PEAK1: variants seen among roughly 807,000 people sequenced by gnomAD.
PEAK1 encodes the protein inactive tyrosine-protein kinase PEAK1.
A neutral mutation model predicts 124.7 loss-of-function variants in PEAK1; 54 were observed. The ratio of observed to expected loss-of-function variants is 0.43; its 90% CI spans 0.35 to 0.54. The LOEUF (loss-of-function observed/expected upper bound fraction) is 0.54. Among genes scored for constraint, PEAK1 ranks in the 20% least tolerant of loss-of-function variants. The pLI is 0.01. For missense variants in PEAK1, 2,046 were observed against 2,134.5 expected, an observed-to-expected ratio of 0.96 and a Z score of 0.82; for synonymous variants, 719 against 760.0, an observed-to-expected ratio of 0.95 and a Z score of 0.89.
chr15:77,361,387 C>T (rs1445532987), intron 2 of PEAK1, among the ~76,000 whole-genome samples: 1 of 152,082 alleles, frequency 6.6e-6, no homozygotes, highest in Non-Finnish European at 1.5e-5. Context: ...CTGCAGTGAA[C>T]TATAATCATG....
chr15:77,342,324 T>A (rs377687628), intron 2 of PEAK1, among the ~76,000 whole-genome samples: 1 of 152,102 alleles, frequency 6.6e-6, no homozygotes, highest in African/African-American at 2.4e-5. Flanking sequence ...CCCTCTCCCT[T>A]CAGCCCCTGG....
At chr15:77,252,268 T>A (rs1014846084) in intron 6 of PEAK1, 99 bp downstream of exon 6, 1 of 646,498 alleles carries the variant, frequency 1.5e-6, no homozygotes, top group Non-Finnish European at 1.9e-6. Flanking sequence ...TTATCTATAG[T>A]TTGGCATTTA....
At chr15:77,176,518 G>A (rs2056888782) in intron 7 of PEAK1, among the ~76,000 whole-genome samples, 1 of 152,092 alleles carries the variant, frequency 6.6e-6, no homozygotes, top group African/African-American at 2.4e-5. Context: ...TCCAGGGGTG[G>A]GGATCAGCAA....
intron 6 of PEAK1, among the ~76,000 whole-genome samples, chr15:77,210,064 G>A (rs986335766): frequency 2.0e-5 from 3 of 152,034 alleles, no homozygotes; most frequent in Non-Finnish European, 4.4e-5. Context: ...TATCAAATAA[G>A]AATTAACAAT....
chr15:77,329,260 T>C (rs559937732), intron 2 of PEAK1, among the ~76,000 whole-genome samples: 98 of 152,180 alleles, frequency 6.4e-4, no homozygotes, highest in Non-Finnish European at 1.3e-3. Context: ...GGGGTTCTTC[T>C]GAGAGTAAAA....
At chr15:77,396,387 T>C (rs1433489722) in intron 1 of PEAK1, among the ~76,000 whole-genome samples, 2 of 150,882 alleles carry the variant, frequency 1.3e-5, no homozygotes, top group East Asian at 3.9e-4. Context: ...AGGAAACAAA[T>C]AAAAATATGG....
rs147986308 is a variant in PEAK1, at chr15:77,130,945, T to C, written c.4077+2060A>G. 3.0e-3 allele frequency among the ~76,000 whole-genome samples: 459 copies of C among 152,344 alleles called. 6 individuals are homozygous for C. Among genetic ancestry groups the C allele is most frequent in the Middle Eastern group, 6.8e-3 (2 of 294 alleles). ...CAGCTCCATAAGATGGGTGCCATTATTGACAAAGCTACTAAGAGGCAGAAC... is the reference window on the plus strand; with the variant it reads ...CAGCTCCATAAGATGGGTGCCATTACTGACAAAGCTACTAAGAGGCAGAAC... On this transcript the variant is annotated intron_variant, in intron 9 of 9. Transcript: ENST00000682557.
At chr15:77,161,815 A>T (rs971226298) in intron 7 of PEAK1, among the ~76,000 whole-genome samples, 8 of 151,890 alleles carry the variant, frequency 5.3e-5, no homozygotes, top group Admixed American at 1.3e-4. Context: ...AAAATACAAA[A>T]ATTAGCCGGG....
chr15:77,278,874 C>T (rs1401120600), intron 5 of PEAK1: 3 of 299,228 alleles, frequency 1.0e-5, no homozygotes, highest in South Asian at 6.1e-5. Flanking sequence ...ACTCTATCGC[C>T]CAGGCTGGAG....
chr15:77,268,909 A>C lies in PEAK1; in HGVS notation c.-275+14974T>G, dbSNP rs568005130. Reference sequence around the variant, plus strand: ...TCAGCCAAGAATTTTGTATGCAACAAAACTAGGCTTCATAAATGAAGAAAA... The same window carrying C: ...TCAGCCAAGAATTTTGTATGCAACACAACTAGGCTTCATAAATGAAGAAAA... On this transcript the variant is annotated intron_variant, in intron 5 of 9. Coordinates refer to ENST00000682557, the MANE Select transcript of PEAK1 (RefSeq NM_001385026.1). Among the ~76,000 whole-genome samples the C allele has an allele frequency of 3.9e-5, 6 of 152,282 alleles. No individual in the cohort carries two copies. In the South Asian group the frequency reaches 1.2e-3, roughly 32 times the overall value.
In PEAK1 at chr15:77,180,319, A is replaced by T; in HGVS notation, c.1608T>A (p.Thr536=). The change falls in exon 7 of 10, where the codon ACT becomes ACA. Residue 536 remains threonine (T), a synonymous_variant. Transcript: ENST00000682557. The part of the protein sequence containing the change: ...SSAIRYQEVW[T]SSTSPRQKIP... ...TCTTTTGTCGTGGACTGGTGCTAGA[A>T]GTCCATACTTCTTGGTATCGAATTG... 6.2e-7 allele frequency: 1 copy of T among 1,614,134 alleles called. No individual in the cohort carries two copies.
At chr15:77,151,490 G>A (rs1256338973) in intron 8 of PEAK1, among the ~76,000 whole-genome samples, 2 of 152,122 alleles carry the variant, frequency 1.3e-5, no homozygotes, top group Non-Finnish European at 2.9e-5. Flanking sequence ...AGTTTCTTTT[G>A]CTGTGCAGAA....
At chr15:77,297,629 C>T (rs545789465) in intron 2 of PEAK1, among the ~76,000 whole-genome samples, 12 of 151,424 alleles carry the variant, frequency 7.9e-5, no homozygotes, top group Admixed American at 4.6e-4. Context: ...CATGGTGGCA[C>T]GCACCTGTAA....
chr15:77,270,387 C>T (rs2061966637), intron 5 of PEAK1, among the ~76,000 whole-genome samples: 1 of 152,168 alleles, frequency 6.6e-6, no homozygotes, highest in African/African-American at 2.4e-5. Flanking sequence ...ACCCCATCGT[C>T]TCAGCCCAAA....
intron 1 of PEAK1, among the ~76,000 whole-genome samples, chr15:77,378,919 G>T (rs2069248531): frequency 6.6e-6 from 1 of 152,200 alleles, no homozygotes; most frequent in Non-Finnish European, 1.5e-5. Flanking sequence ...GATGGACTGT[G>T]TAAGTCCGAG....
chr15:77,349,864 G>A, intron 2 of PEAK1: 2 of 985,378 alleles, frequency 2.0e-6, no homozygotes, highest in Non-Finnish European at 2.4e-6. Flanking sequence ...GTGGAGAGGA[G>A]CCAACTGAAC....
chr15:77,409,676 T>C (rs2072235245), intron 1 of PEAK1, among the ~76,000 whole-genome samples: 1 of 152,242 alleles, frequency 6.6e-6, no homozygotes, highest in African/African-American at 2.4e-5. Context: ...TCAGTGTTTT[T>C]TCTTGTTCAC....
At chr15:77,321,454 T>C (rs975792372) in intron 2 of PEAK1, among the ~76,000 whole-genome samples, 1 of 152,242 alleles carries the variant, frequency 6.6e-6, no homozygotes, top group East Asian at 1.9e-4. Flanking sequence ...TGCTTAAATG[T>C]CTTCTTTTGA....
rs773230427 is a variant in PEAK1, at chr15:77,181,404, T to A, written c.523A>T (p.Thr175Ser). 1 of 1,614,158 alleles carries A rather than the reference T, an allele frequency of 6.2e-7. No homozygotes were observed. The highest frequency in any genetic ancestry group is 2.2e-5 in the East Asian group (1 of 44,886). ...CAATCATTTATTCTTCCCAAGAATG[T>A]TTCTCTGGAGTTTGTTTCATTTCCT... ...IRGNETNSRE[T>S]FLGRINDCYK... Residue 175 changes from threonine (T) to serine (S), a missense_variant, in exon 7 of 10, where the codon ACA (threonine) becomes TCA (serine). Thr to Ser is a moderately conservative substitution (Grantham distance 58). Transcript: ENST00000682557.
Sources: gnomAD v4.1 joint callset for allele counts (sites outside exome capture counted in the v4.1 genomes callset) on GRCh38, gnomAD v4.1.1 for gene constraint, MANE v1.5 for transcripts, NCBI Gene and HGNC (gene_info 2026-07-23, HGNC 2026-07-21) for gene names.